The following UTRN variants were observed in gnomAD, a reference collection of about 807,000 sequenced individuals.
The protein encoded by UTRN is utrophin, also known as dystrophin-related protein 1.
Under a neutral mutation model 463.9 loss-of-function variants are expected in UTRN, and 283 were observed. The observed-to-expected ratio is 0.61, with a 90% CI of 0.55 to 0.67. UTRN has a LOEUF of 0.67. UTRN is among the 30% of genes least tolerant of loss of function. The pLI is 0.00. For missense variants in UTRN, 3,922 were observed against 4,084.3 expected, an observed-to-expected ratio of 0.96 and a Z score of 1.08; for synonymous variants, 1,442 against 1,431.5, an observed-to-expected ratio of 1.01 and a Z score of -0.17.
intron 50 of UTRN, among the ~76,000 whole-genome samples, chr6:144,560,156 T>A (rs1475758550): frequency 6.6e-6 from 1 of 152,168 alleles, no homozygotes; most frequent in Admixed American, 6.6e-5. Context: ...TAAACTGAAG[T>A]ACAGAGAAGT....
intron 2 of UTRN, among the ~76,000 whole-genome samples, chr6:144,371,251 G>T (rs1779955909): frequency 6.6e-6 from 1 of 151,886 alleles, no homozygotes; most frequent in Non-Finnish European, 1.5e-5. Context: ...TTGTTTACAG[G>T]TTTTGTTTTT....
At chr6:144,426,247 G>A in intron 6 of UTRN, 40 bp from the exon 7 acceptor site, 2 of 1,564,978 alleles carry the variant, frequency 1.3e-6, no homozygotes, top group Non-Finnish European at 1.7e-6. Context: ...GTAAATTACT[G>A]AAGTATTAGT....
Position 144,616,537 on chromosome 6 carries a change from T to G in UTRN, c.7479+39249T>G, listed in dbSNP as rs1316626294. ...GAAATTTGTGTTTTGTCTGATAGTTTTTTTTTTTTTTGAAAAGCCCTTTTT... is the reference window on the plus strand; with the variant it reads ...GAAATTTGTGTTTTGTCTGATAGTTGTTTTTTTTTTTGAAAAGCCCTTTTT... On this transcript the variant is annotated intron_variant, in intron 51 of 74. Transcript: ENST00000367545. Among the ~76,000 whole-genome samples, 20 of 143,124 alleles carry G rather than the reference T, an allele frequency of 1.4e-4. 1 individual carries two copies. The South Asian group carries it at 4.0e-3, about 28-fold the overall frequency. 93.9% of individuals were successfully genotyped at this position (143,124 alleles called of 152,430 possible).
intron 73 of UTRN, among the ~76,000 whole-genome samples, chr6:144,846,058 A>G (rs1399101701): frequency 6.6e-6 from 1 of 152,074 alleles, no homozygotes; most frequent in Non-Finnish European, 1.5e-5. Flanking sequence ...TCCCCCCAGC[A>G]TTGAGAACGA....
At chr6:144,814,803 A>G (rs1778935270) in intron 65 of UTRN, among the ~76,000 whole-genome samples, 1 of 152,152 alleles carries the variant, frequency 6.6e-6, no homozygotes, top group Non-Finnish European at 1.5e-5. Context: ...TAATTATGGG[A>G]TTGTCTAGGT....
At chr6:144,752,082 A>T in intron 56 of UTRN, 130 bp downstream of exon 56, 1 of 918,218 alleles carries the variant, frequency 1.1e-6, no homozygotes, top group Non-Finnish European at 1.5e-6. Context: ...TTAGCATGTG[A>T]TGACATCAGG....
chr6:144,848,414 A>G (rs529977699), intron 74 of UTRN, among the ~76,000 whole-genome samples: 1 of 152,314 alleles, frequency 6.6e-6, no homozygotes, highest in South Asian at 2.1e-4. Context: ...ACAGTGATTC[A>G]AGGGAAGAGG....
At chr6:144,779,396 C>T (rs1775618907) in intron 60 of UTRN, among the ~76,000 whole-genome samples, 1 of 152,172 alleles carries the variant, frequency 6.6e-6, no homozygotes, top group Non-Finnish European at 1.5e-5. Context: ...AACATGTTAA[C>T]AGTCAATTAA....
In UTRN at chr6:144,817,391, C is replaced by T. The variant is rs983867376; in HGVS notation, c.9358-3491C>T. ...TAATGATTGTTCCTTTCAATTTTAT[C>T]TTTCTATCATAATATCAAAAGTTAT... On this transcript the variant is annotated intron_variant, in intron 65 of 74. Transcript: ENST00000367545. Among the ~76,000 whole-genome samples the T allele has an allele frequency of 7.9e-5, 12 of 152,006 alleles. No homozygotes were observed. The East Asian group carries it at 9.7e-4, about 12-fold the overall frequency.
chr6:144,728,186 T>TA (rs903236285), intron 53 of UTRN, among the ~76,000 whole-genome samples: 10 of 151,676 alleles, frequency 6.6e-5, no homozygotes, highest in South Asian at 2.1e-4. Context: ...CCACTAAAAT[T>TA]AAAAAAAATA....
chr6:144,765,915 C>T (rs961640903), intron 58 of UTRN, among the ~76,000 whole-genome samples: 1 of 151,878 alleles, frequency 6.6e-6, no homozygotes. Context: ...CTGACCTCCA[C>T]GCTTCTTTTC....
chr6:144,393,291 A>T (rs545503620), intron 2 of UTRN, among the ~76,000 whole-genome samples: 1 of 152,338 alleles, frequency 6.6e-6, no homozygotes, highest in South Asian at 2.1e-4. Flanking sequence ...CATGCTAGAA[A>T]TTACATCTTT....
intron 12 of UTRN, among the ~76,000 whole-genome samples, chr6:144,439,378 T>C (rs1194137268): frequency 6.6e-6 from 1 of 152,202 alleles, no homozygotes; most frequent in African/African-American, 2.4e-5. Flanking sequence ...ATTGAAGACT[T>C]TTATTGATCA....
chr6:144,732,015 C>T (rs554310743), intron 54 of UTRN, among the ~76,000 whole-genome samples: 6 of 151,886 alleles, frequency 4.0e-5, no homozygotes, highest in Admixed American at 3.3e-4. Flanking sequence ...GTGTCCACCA[C>T]CACGCCCAGC....
rs1791827125 is a variant in UTRN, at chr6:144,481,256, GA to G, written c.3508-950del. On this transcript the variant is annotated intron_variant, in intron 26 of 74. Coordinates refer to ENST00000367545, the MANE Select transcript of UTRN (RefSeq NM_007124.3). ...AGTAGAGAAAAGTAAAGGGGAAAGT[GA>G]AAGACTGTTTTATTTGTATTTATTG... Among the ~76,000 whole-genome samples the G allele has an allele frequency of 3.3e-5, 5 of 152,318 alleles. No homozygotes were observed. In the South Asian group the frequency reaches 1.0e-3, roughly 32 times the overall value.
chr6:144,803,329 T>C (rs1434592420), intron 65 of UTRN, among the ~76,000 whole-genome samples, 182 bp downstream of exon 65: 1 of 152,018 alleles, frequency 6.6e-6, no homozygotes, highest in African/African-American at 2.4e-5. Context: ...TATTAACTTT[T>C]TTAAATATCT....
chr6:144,307,384 G>A (rs899778441), intron 2 of UTRN, among the ~76,000 whole-genome samples: 1 of 152,042 alleles, frequency 6.6e-6, no homozygotes, highest in African/African-American at 2.4e-5. Flanking sequence ...TTACACTTGT[G>A]TTTCTGCATA....
At position 144,481,102 on chromosome 6, in the gene UTRN, A is replaced by C. The variant is rs188156644; in HGVS notation, c.3508-1107A>C. 1.6e-4 allele frequency among the ~76,000 whole-genome samples: 25 copies of C among 152,200 alleles called. No individual in the cohort carries two copies. The East Asian group carries it at 4.0e-3, about 25-fold the overall frequency. ...GTTGCTATAGATGAGATTTGAGAAA[A>C]ATGATATTTAAATATTTGATTGGGC... On this transcript the variant is annotated intron_variant, in intron 26 of 74. Transcript: ENST00000367545.
chr6:144,302,894 T>A (rs890579980), intron 2 of UTRN, among the ~76,000 whole-genome samples: 3 of 152,186 alleles, frequency 2.0e-5, no homozygotes, highest in Non-Finnish European at 4.4e-5. Context: ...TTGAAGTCTG[T>A]CCCTGGTAAC....
Sources: gnomAD v4.1 joint callset for allele counts (sites outside exome capture counted in the v4.1 genomes callset) on GRCh38, gnomAD v4.1.1 for gene constraint, MANE v1.5 for transcripts, NCBI Gene and HGNC (gene_info 2026-07-23, HGNC 2026-07-21) for gene names.